Variants in SNX24 observed in about 807,000 individuals in gnomAD.
The protein encoded by SNX24 is sorting nexin-24.
A neutral mutation model predicts 28.7 loss-of-function variants in SNX24; 22 were observed. That is an observed-to-expected ratio of 0.77 (90% CI 0.55 to 1.10). SNX24 has a LOEUF of 1.10. SNX24 is among the 50% of genes least tolerant of loss of function. The pLI is 0.00. For synonymous variants in SNX24, 69 were observed against 71.5 expected (o/e 0.96, Z 0.18); for missense variants, 221 against 201.1 (o/e 1.10, Z -0.60).
intron 5 of SNX24, chr5:123,025,915 A>G (rs1356145171): frequency 5.6e-6 from 9 of 1,612,432 alleles, no homozygotes; most frequent in Non-Finnish European, 7.6e-6. Flanking sequence ...CCAATGCCAT[A>G]GTGCTTCAGC....
At chr5:122,969,328 T>C (rs1163703795) in intron 3 of SNX24, among the ~76,000 whole-genome samples, 1 of 152,186 alleles carries the variant, frequency 6.6e-6, no homozygotes, top group Non-Finnish European at 1.5e-5. Flanking sequence ...GAGTGAATTC[T>C]AGTTGTGGCA....
At chr5:122,938,939 C>CAAA (rs1033177759) in intron 2 of SNX24, among the ~76,000 whole-genome samples, 96 of 1,442 alleles carry the variant, frequency 0.067, 35 homozygotes, top group Admixed American at 0.083. Context: ...GACTCCGTCT[C>CAAA]AAAAAAAAAA....
intron 1 of SNX24, among the ~76,000 whole-genome samples, chr5:122,848,209 C>G (rs775238207): frequency 6.6e-6 from 1 of 152,112 alleles, no homozygotes. Context: ...CTCAAGTGAT[C>G]CTTCCCCCTT....
intron 1 of SNX24, among the ~76,000 whole-genome samples, chr5:122,922,340 C>T (rs946018784): frequency 2.0e-5 from 3 of 152,078 alleles, no homozygotes; most frequent in African/African-American, 7.2e-5. Context: ...GCAACTTCTG[C>T]CCCCCAGATT....
chr5:123,012,063 C>T (rs1429103607), downstream of SNX24, among the ~76,000 whole-genome samples: 1 of 152,112 alleles, frequency 6.6e-6, no homozygotes, highest in Non-Finnish European at 1.5e-5. Flanking sequence ...GGGGCTTTTC[C>T]CCCTTTTGCT....
intron 1 of SNX24, among the ~76,000 whole-genome samples, chr5:122,922,676 C>A (rs1430170367): frequency 6.6e-6 from 1 of 152,108 alleles, no homozygotes; most frequent in Admixed American, 6.6e-5. Flanking sequence ...CTTCTCTGAG[C>A]AGTTTATTGA....
intron 1 of SNX24, among the ~76,000 whole-genome samples, chr5:122,882,739 C>T (rs1370868286): frequency 6.6e-6 from 1 of 152,040 alleles, no homozygotes; most frequent in Non-Finnish European, 1.5e-5. Flanking sequence ...TCCTCCTTTC[C>T]TTTTTTTAAT....
chr5:122,909,002 C>A (rs530051221), intron 1 of SNX24, among the ~76,000 whole-genome samples: 3 of 152,126 alleles, frequency 2.0e-5, no homozygotes, highest in African/African-American at 7.2e-5. Context: ...CGAGACTGAC[C>A]TCACTGTGTA....
intron 5 of SNX24, chr5:123,023,683 G>A: frequency 1.2e-6 from 1 of 808,322 alleles, no homozygotes; most frequent in Non-Finnish European, 1.7e-6. Context: ...TCCCTAAGCA[G>A]GTGGTTTACT....
At chr5:122,881,971 ATT>A (rs200785867) in intron 1 of SNX24, among the ~76,000 whole-genome samples, 26 of 138,858 alleles carry the variant, frequency 1.9e-4, no homozygotes, top group East Asian at 2.1e-4. Flanking sequence ...TGTTTGTTGG[ATT>A]TTTTTTTTTT....
chr5:122,936,398 A>G (rs181951190), intron 1 of SNX24, among the ~76,000 whole-genome samples: 71 of 152,262 alleles, frequency 4.7e-4, no homozygotes, highest in African/African-American at 1.6e-3. Flanking sequence ...TACTCTGGTA[A>G]AGAGTATTGT....
rs140388291 is a variant in SNX24, at chr5:122,921,472, A to G, written c.61-15262A>G. ...TATTCAAAAAGTTTCTTTTAAGTCT[A>G]TGTGTCCTGACTTGTGGAAAAATGC... On this transcript the variant is annotated intron_variant, in intron 1 of 6. Transcript: ENST00000261369. Among the ~76,000 whole-genome samples the G allele has an allele frequency of 2.2e-3, 331 of 152,254 alleles. 1 individual carries two copies. Among genetic ancestry groups the G allele is most frequent in the African/African-American group, 7.7e-3 (321 of 41,532 alleles).
intron 1 of SNX24, among the ~76,000 whole-genome samples, chr5:122,857,312 T>G (rs1229204214): frequency 2.0e-5 from 3 of 152,114 alleles, no homozygotes; most frequent in African/African-American, 7.2e-5. Flanking sequence ...GTGCCTGGCC[T>G]GAGTTTATTT....
chr5:122,873,879 C>T (rs1202132627), intron 1 of SNX24, among the ~76,000 whole-genome samples: 2 of 151,642 alleles, frequency 1.3e-5, no homozygotes, highest in Non-Finnish European at 2.9e-5. Context: ...GATTCTCCTG[C>T]CTCAGCCTCC....
chr5:122,914,104 G>C (rs933756878), intron 1 of SNX24, among the ~76,000 whole-genome samples: 1 of 152,206 alleles, frequency 6.6e-6, no homozygotes, highest in Non-Finnish European at 1.5e-5. Context: ...ACCATGGAAA[G>C]AGAGGAAGAG....
chr5:122,978,465 A>G (rs1322580855), intron 3 of SNX24, among the ~76,000 whole-genome samples: 1 of 152,170 alleles, frequency 6.6e-6, no homozygotes, highest in African/African-American at 2.4e-5. Flanking sequence ...AAAGATACCT[A>G]ATTTATCTTA....
intron 3 of SNX24, chr5:122,983,100 G>A (rs527838047): frequency 4.0e-5 from 6 of 151,472 alleles, no homozygotes; most frequent in Admixed American, 1.3e-4. Flanking sequence ...TTTTCAGTAA[G>A]TAATATTTTA....
At chr5:122,932,364 G>T (rs374573902) in intron 1 of SNX24, among the ~76,000 whole-genome samples, 2 of 152,300 alleles carry the variant, frequency 1.3e-5, no homozygotes, top group East Asian at 3.9e-4. Flanking sequence ...AGAGCCAGGC[G>T]CAGTGGCATG....
intron 3 of SNX24, among the ~76,000 whole-genome samples, chr5:122,951,368 T>A (rs1581788901): frequency 6.6e-6 from 1 of 151,972 alleles, no homozygotes; most frequent in East Asian, 1.9e-4. Context: ...ATTTTTATTT[T>A]AAAAATATAA....
Sources: gnomAD v4.1 joint callset for allele counts (sites outside exome capture counted in the v4.1 genomes callset) on GRCh38, gnomAD v4.1.1 for gene constraint, MANE v1.5 for transcripts, NCBI Gene and HGNC (gene_info 2026-07-23, HGNC 2026-07-21) for gene names.